LY75: variants seen among roughly 807,000 people sequenced by gnomAD.
LY75 encodes lymphocyte antigen 75.
In LY75, 185 loss-of-function variants were observed where a neutral mutation model predicts 231.7. That is an observed-to-expected ratio of 0.80 (90% CI 0.71 to 0.90). The LOEUF is 0.90. LY75 is among the 40% of genes least tolerant of loss of function. The probability of loss-of-function intolerance (pLI) is 0.00; values close to 1 mark genes in which losing one functional copy is unlikely to be tolerated. For synonymous variants in LY75, 668 were observed against 689.0 expected, an observed-to-expected ratio of 0.97 and a Z score of 0.48; for missense variants, 1,947 against 2,050.2, an observed-to-expected ratio of 0.95 and a Z score of 0.97.
At chr2:159,894,218 G>T in intron 2 of LY75, 134 bp from the exon 3 acceptor site, 1 of 1,144,206 alleles carries the variant, frequency 8.7e-7, no homozygotes. Flanking sequence ...TTCAGAGCAT[G>T]GGTGCTGTCA....
chr2:159,876,553 C>T (rs1162627370), intron 11 of LY75, among the ~76,000 whole-genome samples: 1 of 152,042 alleles, frequency 6.6e-6, no homozygotes, highest in Non-Finnish European at 1.5e-5. Flanking sequence ...CCATGATAGA[C>T]CAAGTTGGCT....
At chr2:159,882,911 A>G (rs1685478675) in intron 6 of LY75, among the ~76,000 whole-genome samples, 1 of 152,058 alleles carries the variant, frequency 6.6e-6, no homozygotes, top group South Asian at 2.1e-4. Context: ...GATGGTCCTC[A>G]TGGAATTAGT....
chr2:159,813,567 C>T (rs1337051533), intron 31 of LY75, among the ~76,000 whole-genome samples: 1 of 152,028 alleles, frequency 6.6e-6, no homozygotes, highest in Admixed American at 6.5e-5. Context: ...TGCCGACAGT[C>T]CTTGGTTTAT....
chr2:159,885,955 T>G (rs1685570894), intron 5 of LY75, among the ~76,000 whole-genome samples: 5 of 152,192 alleles, frequency 3.3e-5, no homozygotes, highest in Admixed American at 1.3e-4. Flanking sequence ...CTAAAAGACT[T>G]TCTTTGAGGT....
chr2:159,840,202 C>T (rs1683974349), intron 25 of LY75, among the ~76,000 whole-genome samples: 1 of 151,916 alleles, frequency 6.6e-6, no homozygotes, highest in Non-Finnish European at 1.5e-5. Flanking sequence ...ATATATATCT[C>T]CACCAGAACC....
At chr2:159,895,573 A>C (rs1419019542) in intron 2 of LY75, among the ~76,000 whole-genome samples, 2 of 152,104 alleles carry the variant, frequency 1.3e-5, no homozygotes, top group African/African-American at 4.8e-5. Flanking sequence ...ATCATAGGGG[A>C]GGTATTATAC....
intron 25 of LY75, among the ~76,000 whole-genome samples, chr2:159,836,505 G>C (rs1683831729): frequency 1.3e-5 from 2 of 152,152 alleles, no homozygotes; most frequent in South Asian, 4.1e-4. Flanking sequence ...GCTTCCCCAT[G>C]GTGCTGCCAG....
At chr2:159,820,652 C>T (rs537777403) in intron 28 of LY75, among the ~76,000 whole-genome samples, 2 of 152,272 alleles carry the variant, frequency 1.3e-5, no homozygotes, top group Admixed American at 6.5e-5. Context: ...TGTAACCAAC[C>T]ACCACCTGTT....
In LY75 at chr2:159,842,277, C is replaced by A. The variant is rs1267954420; in HGVS notation, c.3248G>T (p.Arg1083Leu). The A allele has an allele frequency of 6.2e-7, 1 of 1,611,778 alleles. No individual in the cohort carries two copies. Among genetic ancestry groups the A allele is most frequent in the East Asian group, 2.2e-5 (1 of 44,750 alleles). The change falls in exon 24 of 35, where the codon CGC becomes CTC. Residue 1083 changes from arginine (R) to leucine (L), a missense_variant. Physicochemically the swap from Arg to Leu is moderately radical, Grantham distance 102. Transcript: ENST00000263636. ...GTWNFTSCSE[R>L]HFVSLCQKYS... is the part of the protein sequence containing the mutation. The stretch of plus-strand genomic sequence containing the variant: ...TTTCTGACAGAGAGACACAAAGTGG[C>A]GTTCACTGCAGGATGTAAAATTCCA...
intron 9 of LY75, 24 bp downstream of exon 9, chr2:159,879,235 A>C (rs1423113099): frequency 1.9e-6 from 3 of 1,603,044 alleles, no homozygotes; most frequent in Middle Eastern, 1.7e-4. Context: ...TGCTTGAGAA[A>C]ATTTACATAG....
intron 3 of LY75, among the ~76,000 whole-genome samples, chr2:159,892,692 C>T (rs1685796622): frequency 6.6e-6 from 1 of 152,218 alleles, no homozygotes; most frequent in Admixed American, 6.5e-5. Flanking sequence ...TCCCCTGTAA[C>T]TCTCACCTAA....
chr2:159,823,751 C>T (rs1468080399), intron 28 of LY75, among the ~76,000 whole-genome samples: 1 of 152,100 alleles, frequency 6.6e-6, no homozygotes, highest in South Asian at 2.1e-4. Context: ...AGTAGATCTC[C>T]CTGCAGAAAC....
At chr2:159,805,327 T>C in intron 34 of LY75, 105 bp from the exon 35 acceptor site, 2 of 727,924 alleles carry the variant, frequency 2.7e-6, no homozygotes, top group Admixed American at 2.6e-5. Context: ...GTAAGCTGTA[T>C]ACAGACATAA....
chr2:159,828,797 G>A (rs1683560284), intron 28 of LY75, among the ~76,000 whole-genome samples: 1 of 152,106 alleles, frequency 6.6e-6, no homozygotes, highest in Admixed American at 6.6e-5. Flanking sequence ...TCCATAGAAT[G>A]GAATTTTATT....
intron 28 of LY75, among the ~76,000 whole-genome samples, chr2:159,826,540 T>C (rs538386642): frequency 1.3e-5 from 2 of 152,238 alleles, no homozygotes; most frequent in African/African-American, 2.4e-5. Context: ...CCCAAAGTAA[T>C]TTATAGATTC....
rs933490323 is a variant in LY75, at chr2:159,904,717, G to A, written c.-35C>T. The A allele has an allele frequency of 1.8e-5, 25 of 1,388,306 alleles. No homozygotes were observed. Among genetic ancestry groups the A allele is most frequent in the African/African-American group, 3.1e-5 (2 of 65,572 alleles). 86.0% of individuals were successfully genotyped at this position (1,388,306 alleles called of 1,614,324 possible). The stretch of plus-strand genomic sequence containing the variant: ...GCGCAAGCCTTCCGGCCGGGTCCTC[G>A]GGCGCACGCGGCTCCCGCCCCGCCT... On this transcript the variant is annotated 5_prime_UTR_variant, in exon 1 of 35. Transcript: ENST00000263636.
chr2:159,837,717 A>G (rs1307475342), intron 25 of LY75, among the ~76,000 whole-genome samples: 1 of 151,080 alleles, frequency 6.6e-6, no homozygotes, highest in African/African-American at 2.5e-5. Flanking sequence ...TTGATATTCT[A>G]TTCTCAGATA....
At chr2:159,859,770 C>T (rs948099089) in intron 15 of LY75, among the ~76,000 whole-genome samples, 1 of 152,144 alleles carries the variant, frequency 6.6e-6, no homozygotes, top group African/African-American at 2.4e-5. Context: ...GAGATGAATA[C>T]AGTAACAGTG....
At chr2:159,842,411 A>G in intron 23 of LY75, 37 bp from the exon 24 acceptor site, 1 of 1,586,380 alleles carries the variant, frequency 6.3e-7, no homozygotes, top group Non-Finnish European at 8.6e-7. Context: ...GCAATCATGT[A>G]ACAATGGTCT....
Sources: gnomAD v4.1 joint callset for allele counts (sites outside exome capture counted in the v4.1 genomes callset) on GRCh38, gnomAD v4.1.1 for gene constraint, MANE v1.5 for transcripts, NCBI Gene and HGNC (gene_info 2026-07-23, HGNC 2026-07-21) for gene names.